BORCS5: variants seen among roughly 807,000 people sequenced by gnomAD.
The protein encoded by BORCS5 is BLOC-1 related complex subunit 5.
In BORCS5, 17 loss-of-function variants were observed where a neutral mutation model predicts 22.1. That is an observed-to-expected ratio of 0.77 (90% CI 0.53 to 1.15). BORCS5 has a LOEUF of 1.15. Among genes scored for constraint, BORCS5 ranks in the 50% most tolerant of loss-of-function variants. The pLI is 0.00. For missense variants in BORCS5, 247 were observed against 253.2 expected, an observed-to-expected ratio of 0.98 and a Z score of 0.17; for synonymous variants, 117 against 99.8, an observed-to-expected ratio of 1.17 and a Z score of -1.03.
At position 12,470,118 on chromosome 12, in the gene BORCS5, T is replaced by C. The variant is rs1943267545; in HGVS notation, c.*4342T>C. Among the ~76,000 whole-genome samples, 1 of 152,158 alleles carries C rather than the reference T, an allele frequency of 6.6e-6. No individual in the cohort carries two copies. Among genetic ancestry groups the C allele is most frequent in the Non-Finnish European group, 1.5e-5 (1 of 68,020 alleles). Reference sequence around the variant, plus strand: ...TGGAGTCTCGCTCTGTTGCCCAGGCTGGAGTGCAGTGGCACGATCTCGGCT... The same window carrying C: ...TGGAGTCTCGCTCTGTTGCCCAGGCCGGAGTGCAGTGGCACGATCTCGGCT... On this transcript the variant is annotated 3_prime_UTR_variant, in exon 4 of 4. Coordinates refer to ENST00000314565, the MANE Select transcript of BORCS5 (RefSeq NM_058169.6).
chr12:12,454,825 C>T (rs1035954683), intron 3 of BORCS5, among the ~76,000 whole-genome samples: 4 of 152,098 alleles, frequency 2.6e-5, no homozygotes, highest in Admixed American at 6.5e-5. Flanking sequence ...ACAACACTGC[C>T]GTGAGGTAGG....
intron 3 of BORCS5, among the ~76,000 whole-genome samples, chr12:12,460,843 T>G (rs1943089967): frequency 6.6e-6 from 1 of 152,232 alleles, no homozygotes; most frequent in African/African-American, 2.4e-5. Context: ...TGCTTGGTCA[T>G]AATGTATTAT....
chr12:12,373,896 T>A (rs1182985253), intron 2 of BORCS5, among the ~76,000 whole-genome samples: 1 of 152,126 alleles, frequency 6.6e-6, no homozygotes, highest in East Asian at 1.9e-4. Context: ...TGGGGCAGGC[T>A]TCCTAGAGGA....
chr12:12,423,729 C>T (rs2136108595), intron 2 of BORCS5, among the ~76,000 whole-genome samples: 1 of 152,004 alleles, frequency 6.6e-6, no homozygotes, highest in South Asian at 2.1e-4. Flanking sequence ...CAGTCTGTCA[C>T]CCAGGCTAGA....
intron 2 of BORCS5, among the ~76,000 whole-genome samples, chr12:12,427,068 A>AG (rs1396599213): frequency 4.6e-5 from 7 of 152,144 alleles, no homozygotes; most frequent in Non-Finnish European, 8.8e-5. Flanking sequence ...AATCAGCCTT[A>AG]GAAAGCACAC....
chr12:12,415,394 A>C (rs1475387467), intron 2 of BORCS5, among the ~76,000 whole-genome samples: 64 of 151,506 alleles, frequency 4.2e-4, no homozygotes, highest in African/African-American at 1.2e-3. Flanking sequence ...CAAAAAAAAA[A>C]CGAAAACCAG....
chr12:12,447,062 C>CTT (rs936469604), intron 3 of BORCS5, among the ~76,000 whole-genome samples: 1 of 152,198 alleles, frequency 6.6e-6, no homozygotes, highest in African/African-American at 2.4e-5. Context: ...CTCTCTTCCC[C>CTT]TTTCTACCTG....
intron 2 of BORCS5, among the ~76,000 whole-genome samples, chr12:12,423,282 A>G (rs114176387): frequency 1.3e-3 from 193 of 152,064 alleles, no homozygotes; most frequent in African/African-American, 4.3e-3. Context: ...GATTACAGGC[A>G]TGAACAGTAC....
At chr12:12,379,922 T>C (rs945421672) in intron 2 of BORCS5, among the ~76,000 whole-genome samples, 4 of 151,360 alleles carry the variant, frequency 2.6e-5, no homozygotes, top group Admixed American at 2.0e-4. Context: ...CTCTAGCTTT[T>C]GATTTAAAGT....
chr12:12,390,219 G>C (rs1358130287), intron 2 of BORCS5, among the ~76,000 whole-genome samples: 1 of 152,094 alleles, frequency 6.6e-6, no homozygotes, highest in African/African-American at 2.4e-5. Context: ...TGTTCTAGGA[G>C]GTGAGGGTAT....
intron 3 of BORCS5, among the ~76,000 whole-genome samples, chr12:12,445,806 ATTTT>A (rs1174003674): frequency 7.8e-6 from 1 of 127,414 alleles, no homozygotes; most frequent in African/African-American, 2.9e-5. Context: ...GCTGACTTTA[ATTTT>A]TTTTTTTTTT....
At chr12:12,412,695 C>T (rs1444699469) in intron 2 of BORCS5, among the ~76,000 whole-genome samples, 1 of 152,000 alleles carries the variant, frequency 6.6e-6, no homozygotes, top group Non-Finnish European at 1.5e-5. Flanking sequence ...TTGCTTTATT[C>T]CTGATCTTAG....
At chr12:12,360,360 C>T (rs187204401) in intron 1 of BORCS5, among the ~76,000 whole-genome samples, 1 of 152,184 alleles carries the variant, frequency 6.6e-6, no homozygotes, top group African/African-American at 2.4e-5. Context: ...GGCTCTGCCT[C>T]AAAATAAAAT....
chr12:12,466,049 G>T lies in BORCS5; in HGVS notation c.*273G>T. The stretch of plus-strand genomic sequence containing the variant: ...GGAATTCTTTGAAGAACTCTGCATT[G>T]AGAATTATTTTTATTTAGTTTTTTT... On this transcript the variant is annotated 3_prime_UTR_variant, in exon 4 of 4. Coordinates refer to ENST00000314565, the MANE Select transcript of BORCS5 (RefSeq NM_058169.6). The T allele has an allele frequency of 2.7e-6, 1 of 367,866 alleles. No individual in the cohort carries two copies. Among genetic ancestry groups the T allele is most frequent in the Non-Finnish European group, 4.8e-6 (1 of 209,396 alleles). 22.8% of individuals were successfully genotyped at this position (367,866 alleles called of 1,614,324 possible). A position where few individuals can be genotyped will look rare whatever the true frequency, so the allele number is the denominator to read the frequency against.
intron 2 of BORCS5, among the ~76,000 whole-genome samples, chr12:12,400,343 G>A (rs904771120): frequency 1.3e-5 from 2 of 151,998 alleles, no homozygotes; most frequent in Non-Finnish European, 2.9e-5. Context: ...AAATTACCTC[G>A]GTCAACCACA....
chr12:12,430,511 T>G (rs1217553454), intron 2 of BORCS5, among the ~76,000 whole-genome samples: 1 of 152,052 alleles, frequency 6.6e-6, no homozygotes, highest in South Asian at 2.1e-4. Flanking sequence ...AAGATGAGGT[T>G]TTTACTTATG....
intron 2 of BORCS5, among the ~76,000 whole-genome samples, chr12:12,396,569 G>A (rs888198): frequency 0.18 from 27,885 of 151,838 alleles, 4,112 homozygotes; most frequent in African/African-American, 0.41. Flanking sequence ...AAATGTCACC[G>A]TACTGATGTG....
At chr12:12,385,197 GTC>G (rs1271898969) in intron 2 of BORCS5, among the ~76,000 whole-genome samples, 2 of 151,546 alleles carry the variant, frequency 1.3e-5, no homozygotes, top group African/African-American at 4.8e-5. Context: ...ACCCTTTCAG[GTC>G]TCTGCTGCAA....
Position 12,360,294 on chromosome 12 carries a change from G to A in BORCS5, c.59-912G>A, listed in dbSNP as rs1308953527. ...AGAGAATTACTTGAACCCAGGAGGC[G>A]GAGGTTGCAGTGAGCCGAGATTGCA... On this transcript the variant is annotated intron_variant, in intron 1 of 3. Coordinates refer to ENST00000314565, the MANE Select transcript of BORCS5 (RefSeq NM_058169.6). 2.6e-5 allele frequency among the ~76,000 whole-genome samples: 4 copies of A among 152,278 alleles called. No individual in the cohort carries two copies. In the East Asian group the frequency reaches 5.8e-4, roughly 22 times the overall value.
Sources: gnomAD v4.1 joint callset for allele counts (sites outside exome capture counted in the v4.1 genomes callset) on GRCh38, gnomAD v4.1.1 for gene constraint, MANE v1.5 for transcripts, NCBI Gene and HGNC (gene_info 2026-07-23, HGNC 2026-07-21) for gene names.